SYT14: variants seen among roughly 807,000 people sequenced by gnomAD.
SYT14 encodes synaptotagmin-14.
A neutral mutation model predicts 74.2 loss-of-function variants in SYT14; 32 were observed. The observed-to-expected ratio is 0.43, with a 90% CI of 0.33 to 0.58. The LOEUF (loss-of-function observed/expected upper bound fraction) is 0.58, where lower values mean the gene tolerates loss of function less well. Ranked by LOEUF, SYT14 falls within the 20% of genes least tolerant of loss-of-function variation. The pLI is 0.05. For synonymous variants in SYT14, 298 were observed against 337.7 expected, an observed-to-expected ratio of 0.88 and a Z score of 1.29; for missense variants, 791 against 981.8, an observed-to-expected ratio of 0.81 and a Z score of 2.60.
intron 5 of SYT14, among the ~76,000 whole-genome samples, chr1:210,075,020 A>G (rs2081465191): frequency 6.6e-6 from 1 of 152,154 alleles, no homozygotes; most frequent in African/African-American, 2.4e-5. Context: ...GAATGAGTAC[A>G]AGGTTTTATT....
chr1:209,968,635 A>T (rs1197959563), intron 2 of SYT14, among the ~76,000 whole-genome samples: 1 of 151,916 alleles, frequency 6.6e-6, no homozygotes, highest in Non-Finnish European at 1.5e-5. Flanking sequence ...TTGGAAACAT[A>T]CAGTATGTAG....
chr1:209,949,078 A>G (rs951919680), intron 1 of SYT14, among the ~76,000 whole-genome samples: 5 of 152,174 alleles, frequency 3.3e-5, no homozygotes, highest in African/African-American at 9.7e-5. Flanking sequence ...CAAATTTAAC[A>G]TTTCTTTTGG....
At chr1:210,126,457 A>C (rs1179414557) in intron 7 of SYT14, among the ~76,000 whole-genome samples, 1 of 152,150 alleles carries the variant, frequency 6.6e-6, no homozygotes, top group Non-Finnish European at 1.5e-5. Flanking sequence ...TCTTTCAGCT[A>C]TTCTATACTT....
At chr1:210,153,461 T>C (rs2083208119) in intron 7 of SYT14, among the ~76,000 whole-genome samples, 1 of 152,208 alleles carries the variant, frequency 6.6e-6, no homozygotes, top group South Asian at 2.1e-4. Context: ...CTCCCAATAA[T>C]GTTCATAGTT....
intron 1 of SYT14, among the ~76,000 whole-genome samples, chr1:209,945,514 T>G (rs879400559): frequency 2.0e-5 from 3 of 152,232 alleles, no homozygotes; most frequent in Non-Finnish European, 2.9e-5. Context: ...AGTGTAGGTG[T>G]CTGCATAAGG....
At chr1:210,100,013 A>G (rs751860484) in exon 7 of SYT14, 1 of 1,613,740 alleles carries the variant, frequency 6.2e-7, no homozygotes, top group Non-Finnish European at 8.5e-7. Flanking sequence ...TTTTCTTAGG[A>G]TATGTCAGCT....
chr1:210,148,352 C>CA (rs1234521182), intron 7 of SYT14, among the ~76,000 whole-genome samples: 4 of 151,800 alleles, frequency 2.6e-5, no homozygotes, highest in Non-Finnish European at 5.9e-5. Flanking sequence ...ACTAAAAATA[C>CA]AAAAAAATTA....
At chr1:210,008,499 G>T (rs181299631) in intron 2 of SYT14, among the ~76,000 whole-genome samples, 3 of 152,114 alleles carry the variant, frequency 2.0e-5, no homozygotes, top group South Asian at 4.2e-4. Context: ...GAGTAGCTGG[G>T]ATTAGAGGTG....
chr1:209,954,571 T>C (rs1321808176), intron 2 of SYT14, among the ~76,000 whole-genome samples: 1 of 152,206 alleles, frequency 6.6e-6, no homozygotes, highest in African/African-American at 2.4e-5. Context: ...TGCTCTGAGC[T>C]AAAGCTTTTT....
chr1:209,993,842 C>T (rs1025761906), intron 2 of SYT14, among the ~76,000 whole-genome samples: 4 of 152,144 alleles, frequency 2.6e-5, no homozygotes, highest in Non-Finnish European at 1.5e-5. Flanking sequence ...TGGGTATTAG[C>T]CTAGCTACTG....
At chr1:210,161,475 A>G (rs1394463727) in exon 10 of SYT14, 1 of 454,268 alleles carries the variant, frequency 2.2e-6, no homozygotes, top group African/African-American at 2.0e-5. Context: ...TGGTGTTTGT[A>G]ATGTTCTTTA....
rs542077217 is a variant in SYT14 at position 209,951,825 on chromosome 1, A to G, written c.-533-884A>G. ...AAATGAAAAGGAATGAGCCACAACT[A>G]CAAGTAATAAAATAGTTTGATCTTA... On this transcript the variant is annotated intron_variant, in intron 1 of 9. Transcript: ENST00000637265. Among the ~76,000 whole-genome samples, 15 of 152,356 alleles carry G rather than the reference A, an allele frequency of 9.8e-5. No homozygotes were observed. The South Asian group carries it at 2.9e-3, about 29-fold the overall frequency.
chr1:209,944,544 G>A (rs1476146409), intron 1 of SYT14, among the ~76,000 whole-genome samples: 1 of 152,142 alleles, frequency 6.6e-6, no homozygotes, highest in African/African-American at 2.4e-5. Context: ...TTTATGTGAT[G>A]CTGGAGGGGT....
At chr1:210,013,498 A>T in intron 2 of SYT14, 135 bp from the exon 3 acceptor site, 1 of 856,604 alleles carries the variant, frequency 1.2e-6, no homozygotes, top group Admixed American at 2.6e-5. Context: ...TATAAACGAA[A>T]CTGTTTTTAA....
chr1:210,041,557 G>A (rs771629664), intron 5 of SYT14, among the ~76,000 whole-genome samples: 3 of 152,114 alleles, frequency 2.0e-5, no homozygotes, highest in Non-Finnish European at 4.4e-5. Context: ...ACTAGGAGAT[G>A]TATAGCATAC....
intron 2 of SYT14, among the ~76,000 whole-genome samples, chr1:209,961,520 G>C (rs906107259): frequency 6.6e-6 from 1 of 152,028 alleles, no homozygotes; most frequent in Admixed American, 6.6e-5. Context: ...TAAATTCTTT[G>C]AGTCTCAGTT....
At chr1:210,035,158 G>A (rs1422150424) in intron 5 of SYT14, among the ~76,000 whole-genome samples, 3 of 151,654 alleles carry the variant, frequency 2.0e-5, no homozygotes, top group South Asian at 2.1e-4. Flanking sequence ...CTTAATAATA[G>A]TCATTCTGAC....
At chr1:210,013,852 T>C in intron 3 of SYT14, 55 bp downstream of exon 3, 1 of 1,543,506 alleles carries the variant, frequency 6.5e-7, no homozygotes, top group East Asian at 2.3e-5. Context: ...TACTATTATT[T>C]ACTTATTTTA....
intron 2 of SYT14, among the ~76,000 whole-genome samples, chr1:209,974,711 A>T (rs1000926860): frequency 6.6e-6 from 1 of 152,054 alleles, no homozygotes; most frequent in Non-Finnish European, 1.5e-5. Context: ...TTTTGGTTCC[A>T]TATGAACTTT....
Sources: allele counts gnomAD v4.1 joint callset (sites outside exome capture counted in the v4.1 genomes callset), GRCh38; gene constraint gnomAD v4.1.1; transcripts MANE v1.5; gene names NCBI Gene and HGNC (gene_info 2026-07-23, HGNC 2026-07-21).